The following PEBP4 variants were observed in gnomAD, a reference collection of about 807,000 sequenced individuals.
PEBP4 encodes phosphatidylethanolamine-binding protein 4.
A neutral mutation model predicts 23.9 loss-of-function variants in PEBP4; 22 were observed. The observed-to-expected ratio is 0.92, with a 90% CI of 0.66 to 1.31. The LOEUF is 1.31. PEBP4 is among the 40% of genes most tolerant of loss of function. The probability of loss-of-function intolerance (pLI) is 0.00; values close to 1 mark genes in which losing one functional copy is unlikely to be tolerated. For synonymous variants in PEBP4, 112 were observed against 99.3 expected, an observed-to-expected ratio of 1.13 and a Z score of -0.76; for missense variants, 324 against 281.7, an observed-to-expected ratio of 1.15 and a Z score of -1.07.
intron 4 of PEBP4, among the ~76,000 whole-genome samples, chr8:22,791,859 G>GA (rs1435929943): frequency 7.8e-6 from 1 of 128,440 alleles, no homozygotes; most frequent in Non-Finnish European, 1.7e-5. Context: ...AAAAGCACTG[G>GA]ATTCTTTTTT....
At chr8:22,920,112 A>G in intron 3 of PEBP4, 72 bp downstream of exon 3, 1 of 1,561,394 alleles carries the variant, frequency 6.4e-7, no homozygotes, top group Admixed American at 1.7e-5. Context: ...CAAGTCACCC[A>G]GATGAGCAAG....
upstream of PEBP4, among the ~76,000 whole-genome samples, chr8:22,928,977 C>T (rs1809409991): frequency 1.3e-5 from 2 of 152,196 alleles, no homozygotes; most frequent in Non-Finnish European, 2.9e-5. Context: ...ATATTAAACA[C>T]ATTTCTCAAT....
At chr8:22,732,962 C>G (rs967264918) in intron 4 of PEBP4, among the ~76,000 whole-genome samples, 1 of 152,166 alleles carries the variant, frequency 6.6e-6, no homozygotes, top group Non-Finnish European at 1.5e-5. Flanking sequence ...CATTCTCAGT[C>G]CAGGGTGATG....
intron 4 of PEBP4, among the ~76,000 whole-genome samples, chr8:22,746,621 T>TCTCCCTCCTCTCTCTCCTCCTCTC (rs1805125305): frequency 3.3e-5 from 5 of 151,152 alleles, no homozygotes; most frequent in Admixed American, 6.6e-5. Flanking sequence ...CTCCTCCTCT[T>TCTCCCTCCTCTCTCTCCTCCTCTC]CTCCCTCCTC....
intron 4 of PEBP4, among the ~76,000 whole-genome samples, chr8:22,770,934 T>C (rs1435544257): frequency 6.6e-6 from 1 of 152,248 alleles, no homozygotes. Context: ...AAGCCTCATT[T>C]GCCCACCCAT....
At chr8:22,737,357 A>C (rs1315053334) in intron 4 of PEBP4, among the ~76,000 whole-genome samples, 1 of 151,310 alleles carries the variant, frequency 6.6e-6, no homozygotes, top group East Asian at 1.9e-4. Flanking sequence ...CACCTGCCCC[A>C]GCCTCCTTAG....
In PEBP4 at chr8:22,785,182, G is replaced by A. The variant is rs986676303; in HGVS notation, c.357+32455C>T. Reference sequence around the variant, plus strand: ...CCCGGCAACTTCTCTCTGCATTTCCGCAAATGAGGGGAAGCTAGGAGCAAG... The same window carrying A: ...CCCGGCAACTTCTCTCTGCATTTCCACAAATGAGGGGAAGCTAGGAGCAAG... On this transcript the variant is annotated intron_variant, in intron 4 of 6. Coordinates refer to ENST00000256404, the MANE Select transcript of PEBP4 (RefSeq NM_144962.3). Among the ~76,000 whole-genome samples, 10 of 152,138 alleles carry A rather than the reference G, an allele frequency of 6.6e-5. No individual in the cohort carries two copies. The East Asian group carries it at 9.6e-4, about 15-fold the overall frequency.
At chr8:22,835,163 T>C (rs1807175161) in intron 3 of PEBP4, among the ~76,000 whole-genome samples, 1 of 152,210 alleles carries the variant, frequency 6.6e-6, no homozygotes, top group Non-Finnish European at 1.5e-5. Context: ...TTATTTACTG[T>C]CACTAAGGTA....
chr8:22,935,379 G>T (rs775178325), intron 1 of PEBP4, among the ~76,000 whole-genome samples: 7 of 152,252 alleles, frequency 4.6e-5, no homozygotes, highest in Admixed American at 2.0e-4. Flanking sequence ...AAATTAGCTG[G>T]GCATGGTGGC....
At chr8:22,729,837 G>A (rs527979041) in intron 4 of PEBP4, among the ~76,000 whole-genome samples, 2 of 152,174 alleles carry the variant, frequency 1.3e-5, no homozygotes, top group African/African-American at 4.8e-5. Flanking sequence ...TGATTTACTC[G>A]GATTGTCTTG....
intron 4 of PEBP4, among the ~76,000 whole-genome samples, chr8:22,793,626 C>T (rs1423238451): frequency 6.6e-6 from 1 of 152,000 alleles, no homozygotes; most frequent in Admixed American, 6.6e-5. Context: ...CCAACTGTGT[C>T]TTGTTGGACA....
chr8:22,824,446 A>G (rs1180183752), intron 3 of PEBP4, among the ~76,000 whole-genome samples: 2 of 152,110 alleles, frequency 1.3e-5, no homozygotes, highest in Admixed American at 6.6e-5. Flanking sequence ...GCGCTCCCCA[A>G]TATTTTTGGC....
chr8:22,784,660 T>A (rs1805993486), intron 4 of PEBP4, among the ~76,000 whole-genome samples: 1 of 152,106 alleles, frequency 6.6e-6, no homozygotes, highest in African/African-American at 2.4e-5. Flanking sequence ...GCCGCCCGGG[T>A]GTTTGTAACC....
upstream of PEBP4, among the ~76,000 whole-genome samples, chr8:22,929,330 A>C (rs1261882980): frequency 6.6e-6 from 1 of 152,202 alleles, no homozygotes; most frequent in African/African-American, 2.4e-5. Flanking sequence ...AGCCAAGGAG[A>C]TGCTGCCAGA....
rs1806876257 is a variant in PEBP4 at position 22,822,330 on chromosome 8, G to A, written c.259-4595C>T. On this transcript the variant is annotated intron_variant, in intron 3 of 6. Transcript: ENST00000256404. ...GACTCAGAAGAAAAGAAAATAGTAG[G>A]TGAAAAGAAGGAATATATACTAAAG... Among the ~76,000 whole-genome samples the A allele has an allele frequency of 2.1e-5, 3 of 145,936 alleles. No homozygotes were observed. The South Asian group carries it at 6.8e-4, about 33-fold the overall frequency.
upstream of PEBP4, among the ~76,000 whole-genome samples, chr8:22,932,823 G>A (rs567970876): frequency 1.3e-5 from 2 of 152,146 alleles, no homozygotes; most frequent in African/African-American, 2.4e-5. Context: ...TGTCCAACAT[G>A]GTGAAACCCC....
At chr8:22,734,787 C>A (rs1175798727) in intron 4 of PEBP4, among the ~76,000 whole-genome samples, 1 of 152,100 alleles carries the variant, frequency 6.6e-6, no homozygotes, top group Non-Finnish European at 1.5e-5. Flanking sequence ...GGAAGGGCAG[C>A]TTAAGCTGAG....
intron 3 of PEBP4, among the ~76,000 whole-genome samples, chr8:22,856,893 C>G (rs946578107): frequency 6.6e-6 from 1 of 151,854 alleles, no homozygotes; most frequent in African/African-American, 2.4e-5. Flanking sequence ...AGAAAAACTT[C>G]CCCAGAAACA....
chr8:22,890,530 C>G (rs1261496799), intron 3 of PEBP4, among the ~76,000 whole-genome samples: 1 of 152,234 alleles, frequency 6.6e-6, no homozygotes, highest in Non-Finnish European at 1.5e-5. Context: ...ATCTTTCAAA[C>G]TCCCAGCTTC....
Sources: gnomAD v4.1 joint callset for allele counts (sites outside exome capture counted in the v4.1 genomes callset) on GRCh38, gnomAD v4.1.1 for gene constraint, MANE v1.5 for transcripts, NCBI Gene and HGNC (gene_info 2026-07-23, HGNC 2026-07-21) for gene names.